ARHGAP15: variants seen among roughly 807,000 people sequenced by gnomAD.
ARHGAP15 encodes the protein rho GTPase-activating protein 15.
Under a neutral mutation model 63.7 loss-of-function variants are expected in ARHGAP15, and 51 were observed. The observed-to-expected ratio is 0.80, with a 90% confidence interval of 0.64 to 1.01. The LOEUF is 1.01. ARHGAP15 is among the 50% of genes least tolerant of loss of function. ARHGAP15 has a pLI of 0.00. For synonymous variants in ARHGAP15, 191 were observed against 193.8 expected (o/e 0.99, Z 0.12); for missense variants, 560 against 564.6 (o/e 0.99, Z 0.08).
chr2:143,603,583 T>C (rs1455725492), intron 11 of ARHGAP15, among the ~76,000 whole-genome samples: 3 of 152,310 alleles, frequency 2.0e-5, no homozygotes, highest in Non-Finnish European at 4.4e-5. Flanking sequence ...AGGCATCTAA[T>C]GATTGAAAGG....
chr2:143,588,843 T>C (rs1269394076), intron 11 of ARHGAP15, among the ~76,000 whole-genome samples: 1 of 152,214 alleles, frequency 6.6e-6, no homozygotes, highest in East Asian at 1.9e-4. Context: ...CTCTGCTTTT[T>C]GGATTGGGCA....
intron 6 of ARHGAP15, among the ~76,000 whole-genome samples, chr2:143,400,796 AGT>A (rs1687959249): frequency 6.6e-6 from 1 of 152,040 alleles, no homozygotes; most frequent in Non-Finnish European, 1.5e-5. Flanking sequence ...GGTATTGTTT[AGT>A]CTCAATTCTC....
At chr2:143,173,318 G>C (rs758637264) in intron 2 of ARHGAP15, among the ~76,000 whole-genome samples, 10 of 151,892 alleles carry the variant, frequency 6.6e-5, no homozygotes, top group Non-Finnish European at 1.3e-4. Flanking sequence ...ATATTTAAAT[G>C]TATGTTTTGA....
chr2:143,226,865 C>A (rs911530043), intron 4 of ARHGAP15, among the ~76,000 whole-genome samples: 27 of 152,272 alleles, frequency 1.8e-4, no homozygotes, highest in African/African-American at 6.3e-4. Flanking sequence ...CAACCTAATT[C>A]TTTTTGTAAA....
At chr2:143,287,188 A>T (rs1398309137) in intron 6 of ARHGAP15, among the ~76,000 whole-genome samples, 1 of 152,168 alleles carries the variant, frequency 6.6e-6, no homozygotes, top group Non-Finnish European at 1.5e-5. Context: ...GCTGATATAA[A>T]ATTTGACTAA....
chr2:143,699,347 T>C (rs910650236), intron 12 of ARHGAP15, among the ~76,000 whole-genome samples: 1 of 152,176 alleles, frequency 6.6e-6, no homozygotes, highest in African/African-American at 2.4e-5. Flanking sequence ...ATATTTCAGC[T>C]CTCTCTAAGC....
chr2:143,711,490 A>T (rs1456233747), intron 13 of ARHGAP15, among the ~76,000 whole-genome samples: 1 of 152,222 alleles, frequency 6.6e-6, no homozygotes, highest in Non-Finnish European at 1.5e-5. Flanking sequence ...GAGAACTGCA[A>T]TGTGGTAAAG....
At chr2:143,486,911 T>C (rs1303202942) in intron 8 of ARHGAP15, among the ~76,000 whole-genome samples, 2 of 152,124 alleles carry the variant, frequency 1.3e-5, no homozygotes, top group Non-Finnish European at 2.9e-5. Context: ...TTCAGGTTAA[T>C]ATAGAAAAGA....
Position 143,577,231 on chromosome 2 carries a change from G to A in ARHGAP15, c.1003+20746G>A, listed in dbSNP as rs140380087. Among the ~76,000 whole-genome samples the A allele has an allele frequency of 1.8e-4, 28 of 152,198 alleles. No homozygotes were observed. In the East Asian group the frequency reaches 5.4e-3, roughly 29 times the overall value. On this transcript the variant is annotated intron_variant, in intron 11 of 13. Transcript: ENST00000295095. ...ATCTGTTGACTTTGAACACACTCGT[G>A]TACCATTCCTCATACGAGCTAAAAT...
chr2:143,527,152 A>G (rs1214415041), intron 10 of ARHGAP15, among the ~76,000 whole-genome samples: 3 of 152,220 alleles, frequency 2.0e-5, no homozygotes, highest in African/African-American at 7.2e-5. Context: ...ATACTTTCAA[A>G]TTGTATACTC....
chr2:143,129,846 G>A (rs898096157), intron 1 of ARHGAP15, among the ~76,000 whole-genome samples: 1 of 152,096 alleles, frequency 6.6e-6, no homozygotes, highest in African/African-American at 2.4e-5. Flanking sequence ...TCCAGATAAG[G>A]AAAGAGAAAA....
At chr2:143,567,167 G>T (rs756595271) in intron 11 of ARHGAP15, among the ~76,000 whole-genome samples, 1 of 152,106 alleles carries the variant, frequency 6.6e-6, no homozygotes, top group South Asian at 2.1e-4. Context: ...GAGCCACAGC[G>T]TGCTTCTTTA....
At chr2:143,244,597 T>C (rs1348460529) in intron 5 of ARHGAP15, among the ~76,000 whole-genome samples, 1 of 152,028 alleles carries the variant, frequency 6.6e-6, no homozygotes, top group Admixed American at 6.6e-5. Flanking sequence ...GCGTAGCTGG[T>C]GTGAAGAATG....
intron 9 of ARHGAP15, among the ~76,000 whole-genome samples, chr2:143,491,924 C>G (rs1249049913): frequency 6.6e-6 from 1 of 152,120 alleles, no homozygotes; most frequent in East Asian, 1.9e-4. Flanking sequence ...CTCTGTCACC[C>G]AGGCTGGAGT....
chr2:143,622,930 T>C (rs956043470), intron 11 of ARHGAP15, among the ~76,000 whole-genome samples: 3 of 152,072 alleles, frequency 2.0e-5, no homozygotes, highest in Non-Finnish European at 4.4e-5. Flanking sequence ...TGCAAAATGC[T>C]CCTCTGGATT....
Position 143,514,184 on chromosome 2 carries a change from T to G in ARHGAP15, c.827-5082T>G, listed in dbSNP as rs144679359. ...TAGGAGATGGTGCATCATTACATTT[T>G]CAGGCTGGCACACAGTGTCTGGCTT... On this transcript the variant is annotated intron_variant, in intron 9 of 13. Transcript: ENST00000295095. 2.1e-3 allele frequency among the ~76,000 whole-genome samples: 325 copies of G among 152,322 alleles called. 2 individuals carry two copies. The highest frequency in any genetic ancestry group is 7.7e-3 in the African/African-American group (321 of 41,574).
intron 13 of ARHGAP15, among the ~76,000 whole-genome samples, chr2:143,753,485 G>A (rs963271882): frequency 4.6e-5 from 7 of 152,138 alleles, no homozygotes; most frequent in Non-Finnish European, 1.0e-4. Flanking sequence ...TCTACGTACC[G>A]GACGATAGAA....
At chr2:143,402,676 T>G (rs569836600) in intron 6 of ARHGAP15, among the ~76,000 whole-genome samples, 14 of 151,916 alleles carry the variant, frequency 9.2e-5, no homozygotes, top group Non-Finnish European at 1.6e-4. Context: ...AGACCACAAT[T>G]CACAGGATGT....
chr2:143,542,864 TATATA>T (rs939557435), intron 10 of ARHGAP15, among the ~76,000 whole-genome samples: 1 of 144,578 alleles, frequency 6.9e-6, no homozygotes, highest in African/African-American at 2.5e-5. Flanking sequence ...TAATATCACA[TATATA>T]GTATATATAT....
Sources: allele counts gnomAD v4.1 joint callset (sites outside exome capture counted in the v4.1 genomes callset), GRCh38; gene constraint gnomAD v4.1.1; transcripts MANE v1.5; gene names NCBI Gene and HGNC (gene_info 2026-07-23, HGNC 2026-07-21).